SMARCA2: variants seen among roughly 807,000 people sequenced by gnomAD.
SMARCA2 encodes the protein SWI/SNF-related matrix-associated actin-dependent regulator of chromatin subfamily A member 2.
A neutral mutation model predicts 199.8 loss-of-function variants in SMARCA2; 61 were observed. That is an observed-to-expected ratio of 0.31 (90% confidence interval 0.25 to 0.38). SMARCA2 has a LOEUF of 0.38. SMARCA2 is among the 10% of genes least tolerant of loss of function. The pLI, the probability that SMARCA2 is intolerant of heterozygous loss-of-function variation, is 1.00. For missense variants in SMARCA2, 1,344 were observed against 2,012.2 expected, an observed-to-expected ratio of 0.67 and a Z score of 6.35; for synonymous variants, 935 against 732.0, an observed-to-expected ratio of 1.28 and a Z score of -4.48.
intron 27 of SMARCA2, among the ~76,000 whole-genome samples, chr9:2,142,878 A>G (rs1824532139): frequency 6.6e-6 from 1 of 152,222 alleles, no homozygotes; most frequent in South Asian, 2.1e-4. Flanking sequence ...GGGGTAAACA[A>G]TAAAGACTTA....
intron 1 of SMARCA2, among the ~76,000 whole-genome samples, chr9:2,022,488 G>C (rs1164259258): frequency 6.6e-6 from 1 of 152,024 alleles, no homozygotes; most frequent in African/African-American, 2.4e-5. Context: ...CAATGAACTT[G>C]GAGTTCATTG....
chr9:2,129,396 C>T (rs990305201), intron 27 of SMARCA2, among the ~76,000 whole-genome samples: 5 of 152,006 alleles, frequency 3.3e-5, no homozygotes, highest in East Asian at 3.9e-4. Context: ...CCTGCCTGGG[C>T]GACACAGCGA....
intron 27 of SMARCA2, among the ~76,000 whole-genome samples, chr9:2,146,432 A>C (rs1824748984): frequency 6.6e-6 from 1 of 152,098 alleles, no homozygotes; most frequent in Non-Finnish European, 1.5e-5. Flanking sequence ...CTGTTACCGG[A>C]TCCCACCACT....
chr9:2,157,927 C>T (rs1168977072), intron 27 of SMARCA2: 1 of 398,324 alleles, frequency 2.5e-6, no homozygotes, highest in Non-Finnish European at 4.4e-6. Context: ...ACTGGACCCA[C>T]GTGTGGCTGC....
chr9:2,101,899 T>C (rs1822533332), intron 22 of SMARCA2, among the ~76,000 whole-genome samples: 1 of 152,238 alleles, frequency 6.6e-6, no homozygotes, highest in Non-Finnish European at 1.5e-5. Flanking sequence ...CAAAGGTTTG[T>C]TATTTATAAC....
intron 1 of SMARCA2, among the ~76,000 whole-genome samples, chr9:2,023,196 C>CT (rs2130141761): frequency 6.6e-6 from 1 of 152,288 alleles, no homozygotes; most frequent in East Asian, 1.9e-4. Flanking sequence ...TCATGGGGGA[C>CT]TAATTAGCTG....
chr9:2,108,154 C>T (rs1328705653), intron 23 of SMARCA2, among the ~76,000 whole-genome samples: 2 of 152,212 alleles, frequency 1.3e-5, no homozygotes, highest in East Asian at 1.9e-4. Flanking sequence ...AAAAGGCCAT[C>T]TCTTGGGCAC....
intron 10 of SMARCA2, among the ~76,000 whole-genome samples, chr9:2,071,522 G>C (rs1359922865): frequency 6.6e-6 from 1 of 152,174 alleles, no homozygotes; most frequent in African/African-American, 2.4e-5. Context: ...GCGTAATAGT[G>C]TTCTTATATC....
chr9:2,092,396 A>G (rs994691471), intron 19 of SMARCA2, among the ~76,000 whole-genome samples: 1 of 152,226 alleles, frequency 6.6e-6, no homozygotes, highest in African/African-American at 2.4e-5. Flanking sequence ...ATTAATCATT[A>G]CTTTGTTCCT....
At chr9:2,102,314 C>G (rs1474429121) in intron 22 of SMARCA2, among the ~76,000 whole-genome samples, 2 of 152,180 alleles carry the variant, frequency 1.3e-5, no homozygotes, top group Non-Finnish European at 2.9e-5. Context: ...CCTTGCCTCT[C>G]TCTTCTCTGG....
intron 1 of SMARCA2, among the ~76,000 whole-genome samples, chr9:2,019,332 C>CT (rs1818503334): frequency 6.6e-6 from 1 of 152,144 alleles, no homozygotes; most frequent in Admixed American, 6.5e-5. Context: ...AGCCCAGCAT[C>CT]AGGACTAGGT....
At chr9:2,118,405 C>T (rs916314619) in intron 25 of SMARCA2, among the ~76,000 whole-genome samples, 8 of 152,170 alleles carry the variant, frequency 5.3e-5, no homozygotes, top group Non-Finnish European at 7.3e-5. Context: ...GTGCGAAAGA[C>T]GTTATCTTGG....
intron 1 of SMARCA2, chr9:2,027,798 G>A (rs1818897739): frequency 6.6e-6 from 1 of 152,278 alleles, no homozygotes. Context: ...CTTAGGGTAT[G>A]TCATTCTGTA....
chr9:2,181,460 T>C, intron 29 of SMARCA2, 111 bp from the exon 30 acceptor site: 2 of 664,924 alleles, frequency 3.0e-6, no homozygotes. Context: ...GCTCCATATC[T>C]ATATGCGTGG....
intron 27 of SMARCA2, chr9:2,160,597 T>A (rs1474841935): frequency 1.4e-6 from 1 of 702,476 alleles, no homozygotes; most frequent in Non-Finnish European, 2.6e-6. Context: ...ATTAGCCATG[T>A]TTGGTGCTGT....
intron 23 of SMARCA2, among the ~76,000 whole-genome samples, chr9:2,105,660 CA>C (rs1403509986): frequency 1.3e-5 from 2 of 152,180 alleles, no homozygotes; most frequent in South Asian, 2.1e-4. Flanking sequence ...TCTCTGTTGG[CA>C]AATTTCCTTT....
intron 29 of SMARCA2, among the ~76,000 whole-genome samples, chr9:2,174,630 G>A (rs1049148590): frequency 6.6e-6 from 1 of 152,066 alleles, no homozygotes; most frequent in Non-Finnish European, 1.5e-5. Context: ...AAGAAATGGG[G>A]AAGCAAAGGC....
chr9:2,173,997 A>G (rs1317029921), intron 29 of SMARCA2, among the ~76,000 whole-genome samples: 1 of 152,214 alleles, frequency 6.6e-6, no homozygotes, highest in South Asian at 2.1e-4. Context: ...TTGCTGAAAC[A>G]GGCTGCTTTG....
At chr9:2,077,801 T>G (rs1020555158) in intron 14 of SMARCA2, 25 bp downstream of exon 14, 3 of 1,582,332 alleles carry the variant, frequency 1.9e-6, no homozygotes, top group Non-Finnish European at 2.6e-6. Flanking sequence ...TTCAGTTTCC[T>G]TGGCAAGTTG....
Sources: allele counts gnomAD v4.1 joint callset (sites outside exome capture counted in the v4.1 genomes callset), GRCh38; gene constraint gnomAD v4.1.1; transcripts MANE v1.5; gene names NCBI Gene and HGNC (gene_info 2026-07-23, HGNC 2026-07-21).